The following MAGI2 variants were observed in gnomAD, a reference collection of about 807,000 sequenced individuals.
MAGI2 encodes the protein membrane-associated guanylate kinase, WW and PDZ domain-containing protein 2.
A neutral mutation model predicts 133.3 loss-of-function variants in MAGI2; 35 were observed. The observed-to-expected ratio is 0.26, with a 90% CI of 0.20 to 0.35. MAGI2 has a LOEUF of 0.35. Ranked by LOEUF, MAGI2 falls within the 10% of genes least tolerant of loss-of-function variation. The probability of loss-of-function intolerance (pLI) is 1.00; values close to 1 mark genes in which losing one functional copy is unlikely to be tolerated. For missense variants in MAGI2, 1,636 were observed against 1,863.4 expected, an observed-to-expected ratio of 0.88 and a Z score of 2.25; for synonymous variants, 729 against 710.6, an observed-to-expected ratio of 1.03 and a Z score of -0.41.
At chr7:78,303,951 C>T (rs1043593323) in intron 9 of MAGI2, among the ~76,000 whole-genome samples, 4 of 152,246 alleles carry the variant, frequency 2.6e-5, no homozygotes, top group African/African-American at 9.6e-5. Flanking sequence ...TTAATTCCTA[C>T]TCCCCCACTC....
chr7:78,702,193 T>G (rs370860970), intron 2 of MAGI2, among the ~76,000 whole-genome samples: 4 of 152,116 alleles, frequency 2.6e-5, no homozygotes, highest in South Asian at 4.1e-4. Context: ...CATTATTCAT[T>G]TGCCAAAGTT....
At chr7:78,661,805 G>T (rs1170356530) in intron 2 of MAGI2, among the ~76,000 whole-genome samples, 1 of 152,138 alleles carries the variant, frequency 6.6e-6, no homozygotes, top group Admixed American at 6.5e-5. Flanking sequence ...AACTCATAAT[G>T]TGCTTGATGT....
At chr7:78,520,542 G>T (rs1204543672) in intron 4 of MAGI2, among the ~76,000 whole-genome samples, 1 of 151,928 alleles carries the variant, frequency 6.6e-6, no homozygotes, top group African/African-American at 2.4e-5. Flanking sequence ...ACGGACCTTA[G>T]ATTTTTTTAA....
intron 1 of MAGI2, among the ~76,000 whole-genome samples, chr7:79,317,595 T>C (rs1407301521): frequency 6.6e-6 from 1 of 152,176 alleles, no homozygotes; most frequent in East Asian, 1.9e-4. Flanking sequence ...AAAATTTCAA[T>C]GGATTCTTTA....
chr7:79,107,256 G>T (rs533205794), intron 1 of MAGI2, among the ~76,000 whole-genome samples: 35 of 152,260 alleles, frequency 2.3e-4, no homozygotes, highest in African/African-American at 8.2e-4. Context: ...TCCATTGCTG[G>T]CTTTGAAGAA....
intron 16 of MAGI2, among the ~76,000 whole-genome samples, chr7:78,152,144 T>C (rs1045675695): frequency 6.6e-6 from 1 of 152,134 alleles, no homozygotes; most frequent in Non-Finnish European, 1.5e-5. Context: ...ATGTTTACTG[T>C]TTGGGCAATA....
Position 78,178,035 on chromosome 7 carries a change from G to C in MAGI2, c.2379C>G (p.Leu793=). 4 of 1,612,860 alleles carry C rather than the reference G, an allele frequency of 2.5e-6. No individual in the cohort carries two copies. The highest frequency in any genetic ancestry group is 3.4e-6 in the Non-Finnish European group (4 of 1,179,070). ...RMESGFGFRI[L]GGDEPGQPIL... ...CAGGCTGTCCAGGCTCATCTCCCCC[G>C]AGGATTCTGAAGCCAAATCCAGACT... Residue 793 remains leucine (L), a synonymous_variant, in exon 14 of 22, where the codon CTC becomes CTG. Transcript: ENST00000354212.
chr7:78,642,475 A>G (rs950192518), intron 2 of MAGI2, among the ~76,000 whole-genome samples: 4 of 152,194 alleles, frequency 2.6e-5, no homozygotes, highest in African/African-American at 9.6e-5. Context: ...TAGCAAGACT[A>G]TGTGCTAATT....
At chr7:79,120,681 A>G (rs751996796) in intron 1 of MAGI2, among the ~76,000 whole-genome samples, 3 of 152,106 alleles carry the variant, frequency 2.0e-5, no homozygotes, top group Admixed American at 6.6e-5. Context: ...AAGGACCACT[A>G]TAAGTAGGAA....
intron 10 of MAGI2, among the ~76,000 whole-genome samples, chr7:78,247,528 C>T (rs1175116493): frequency 1.3e-5 from 2 of 151,782 alleles, no homozygotes; most frequent in Non-Finnish European, 2.9e-5. Flanking sequence ...CAAGAGAATA[C>T]AGATAGACAG....
intron 2 of MAGI2, among the ~76,000 whole-genome samples, chr7:78,748,235 T>C (rs752019931): frequency 6.6e-6 from 1 of 152,178 alleles, no homozygotes; most frequent in Non-Finnish European, 1.5e-5. Context: ...TATTGAACTT[T>C]GGAATTATGA....
intron 1 of MAGI2, among the ~76,000 whole-genome samples, chr7:79,385,879 T>C (rs980833833): frequency 1.3e-5 from 2 of 151,972 alleles, no homozygotes; most frequent in Non-Finnish European, 2.9e-5. Flanking sequence ...ATAGTAGATG[T>C]TAACCTGCCT....
At chr7:78,194,056 A>G (rs1451476882) in intron 12 of MAGI2, among the ~76,000 whole-genome samples, 6 of 152,186 alleles carry the variant, frequency 3.9e-5, no homozygotes, top group Non-Finnish European at 8.8e-5. Flanking sequence ...ACACTGAAGC[A>G]AAGGAAATCA....
intron 21 of MAGI2, among the ~76,000 whole-genome samples, chr7:78,029,924 A>T (rs3807797): frequency 1.3e-5 from 2 of 152,116 alleles, no homozygotes; most frequent in East Asian, 1.9e-4. Flanking sequence ...GGAAGGACAG[A>T]CTTTACCTTT....
intron 1 of MAGI2, among the ~76,000 whole-genome samples, chr7:79,162,045 T>G (rs1454457852): frequency 6.6e-6 from 1 of 151,810 alleles, no homozygotes; most frequent in African/African-American, 2.4e-5. Flanking sequence ...TGCTATAATT[T>G]ATCTTTAATA....
At chr7:78,912,460 G>A (rs951517768) in intron 2 of MAGI2, among the ~76,000 whole-genome samples, 21 of 151,966 alleles carry the variant, frequency 1.4e-4, no homozygotes, top group Non-Finnish European at 4.4e-5. Context: ...GCTGGGAAAG[G>A]CAGACCCACC....
chr7:78,404,612 C>A (rs906642200), intron 6 of MAGI2, among the ~76,000 whole-genome samples: 2 of 152,026 alleles, frequency 1.3e-5, no homozygotes, highest in African/African-American at 2.4e-5. Context: ...AACTGGCTAG[C>A]CATATATAGA....
At chr7:78,453,921 T>C (rs1789017030) in intron 6 of MAGI2, among the ~76,000 whole-genome samples, 2 of 152,190 alleles carry the variant, frequency 1.3e-5, no homozygotes, top group South Asian at 2.1e-4. Context: ...TATATAATAG[T>C]GGTCCATATT....
chr7:78,495,909 T>C (rs1444333428), intron 5 of MAGI2, among the ~76,000 whole-genome samples: 4 of 152,334 alleles, frequency 2.6e-5, no homozygotes, highest in East Asian at 1.9e-4. Context: ...AAATATTCAA[T>C]GTATCTCCTG....
Sources: gnomAD v4.1 joint callset for allele counts (sites outside exome capture counted in the v4.1 genomes callset) on GRCh38, gnomAD v4.1.1 for gene constraint, MANE v1.5 for transcripts, NCBI Gene and HGNC (gene_info 2026-07-23, HGNC 2026-07-21) for gene names.